Variants in CTNNA2 observed in about 807,000 individuals in gnomAD.
CTNNA2 encodes catenin alpha-2.
In CTNNA2, 42 loss-of-function variants were observed where a neutral mutation model predicts 101.0. That is an observed-to-expected ratio of 0.42 (90% CI 0.32 to 0.54). The LOEUF (loss-of-function observed/expected upper bound fraction) is 0.54, where lower values mean the gene tolerates loss of function less well. Ranked by LOEUF, CTNNA2 falls within the 20% of genes least tolerant of loss-of-function variation. CTNNA2 has a pLI of 0.14. For missense variants in CTNNA2, 871 were observed against 1,223.1 expected, an observed-to-expected ratio of 0.71 and a Z score of 4.29; for synonymous variants, 450 against 456.4, an observed-to-expected ratio of 0.99 and a Z score of 0.18.
At position 79,746,488 on chromosome 2, in the gene CTNNA2, C is replaced by T. The variant is rs527628782; in HGVS notation, c.298+1906C>T. On this transcript the variant is annotated intron_variant, in intron 3 of 18. Coordinates refer to ENST00000402739, the MANE Select transcript of CTNNA2 (RefSeq NM_001282597.3). ...ACACCTACTCCCAAGCTTGGTCTCT[C>T]TCCTGCATTTTCTGCCTTGAAGAAT... Among the ~76,000 whole-genome samples the T allele has an allele frequency of 3.3e-5, 5 of 152,304 alleles. 1 individual carries two copies. The highest frequency in any genetic ancestry group is 1.2e-4 in the African/African-American group (5 of 41,576).
At chr2:79,572,294 A>T (rs1675507887) in intron 1 of CTNNA2, among the ~76,000 whole-genome samples, 1 of 152,110 alleles carries the variant, frequency 6.6e-6, no homozygotes, top group African/African-American at 2.4e-5. Context: ...TTCGTTTTAT[A>T]CTGAACTTCT....
intron 17 of CTNNA2, 130 bp from the exon 18 acceptor site, chr2:80,618,955 C>CAT (rs1244667827): frequency 1.9e-6 from 1 of 516,242 alleles, no homozygotes; most frequent in Non-Finnish European, 3.3e-6. Flanking sequence ...GTAATTCCTT[C>CAT]ATATACCTCT....
At chr2:79,900,894 C>G (rs2104278314) in intron 6 of CTNNA2, among the ~76,000 whole-genome samples, 1 of 152,216 alleles carries the variant, frequency 6.6e-6, no homozygotes, top group East Asian at 1.9e-4. Context: ...GTATGCCTGT[C>G]TCAAAATATC....
At chr2:79,358,334 G>A (rs1376197162) in intron 3 of CTNNA2, among the ~76,000 whole-genome samples, 3 of 151,936 alleles carry the variant, frequency 2.0e-5, no homozygotes. Context: ...CAAGTAGCTG[G>A]GGTTATAGGC....
intron 9 of CTNNA2, among the ~76,000 whole-genome samples, chr2:80,492,191 G>C (rs143336505): frequency 1.3e-5 from 2 of 152,230 alleles, no homozygotes; most frequent in East Asian, 3.9e-4. Context: ...CACGAGATCT[G>C]GTTGTTTAAA....
chr2:79,538,265 A>G (rs903384390), intron 1 of CTNNA2, among the ~76,000 whole-genome samples: 7 of 151,948 alleles, frequency 4.6e-5, no homozygotes, highest in Non-Finnish European at 1.0e-4. Context: ...TTATCAGGGT[A>G]TACTTTTAAC....
At chr2:79,360,404 C>T (rs1363820669) in intron 3 of CTNNA2, among the ~76,000 whole-genome samples, 1 of 152,116 alleles carries the variant, frequency 6.6e-6, no homozygotes, top group African/African-American at 2.4e-5. Flanking sequence ...ATATTCTGGT[C>T]ACAGTCAGTC....
At position 80,516,554 on chromosome 2, in the gene CTNNA2, G is replaced by A. The variant is rs936864224; in HGVS notation, c.1291-28428G>A. Among the ~76,000 whole-genome samples, 10 of 152,142 alleles carry A rather than the reference G, an allele frequency of 6.6e-5. No homozygotes were observed. The South Asian group carries it at 8.3e-4, about 13-fold the overall frequency. On this transcript the variant is annotated intron_variant, in intron 9 of 18. Coordinates refer to ENST00000402739, the MANE Select transcript of CTNNA2 (RefSeq NM_001282597.3). ...GGGAGGAGGTCATTTTTCAAACATGGTTAAGCACGTGGCAGGGGCTGAGAA... is the reference window on the plus strand; with the variant it reads ...GGGAGGAGGTCATTTTTCAAACATGATTAAGCACGTGGCAGGGGCTGAGAA...
intron 1 of CTNNA2, among the ~76,000 whole-genome samples, chr2:79,559,503 A>G (rs1222558705): frequency 6.6e-6 from 1 of 152,010 alleles, no homozygotes. Flanking sequence ...GAAATATTGC[A>G]GAGACATAGT....
chr2:80,433,183 A>T (rs1489659282), intron 9 of CTNNA2, among the ~76,000 whole-genome samples: 1 of 152,138 alleles, frequency 6.6e-6, no homozygotes, highest in Non-Finnish European at 1.5e-5. Context: ...GCTTAAAAAA[A>T]CCTAATTTGC....
At chr2:80,252,065 C>T (rs1198794481) in intron 7 of CTNNA2, among the ~76,000 whole-genome samples, 2 of 152,140 alleles carry the variant, frequency 1.3e-5, no homozygotes, top group Non-Finnish European at 2.9e-5. Flanking sequence ...TTCCTCTGGG[C>T]AAGCTTCAGC....
At chr2:79,860,535 G>A (rs1195979296) in intron 4 of CTNNA2, among the ~76,000 whole-genome samples, 1 of 108,422 alleles carries the variant, frequency 9.2e-6, no homozygotes, top group African/African-American at 3.6e-5. Flanking sequence ...CCACACAGCC[G>A]AGTAAGGGAA....
chr2:79,812,379 G>T (rs1677113361), intron 3 of CTNNA2, among the ~76,000 whole-genome samples: 1 of 152,090 alleles, frequency 6.6e-6, no homozygotes, highest in Non-Finnish European at 1.5e-5. Context: ...TTTTAACTGA[G>T]ATTCCTTTAT....
At chr2:80,262,683 G>A (rs2149125637) in intron 7 of CTNNA2, among the ~76,000 whole-genome samples, 1 of 152,226 alleles carries the variant, frequency 6.6e-6, no homozygotes, top group Non-Finnish European at 1.5e-5. Flanking sequence ...TTGTTTGTGA[G>A]GGAGGCCTTT....
intron 2 of CTNNA2, among the ~76,000 whole-genome samples, chr2:79,657,986 A>C (rs189033925): frequency 3.1e-4 from 47 of 152,056 alleles, no homozygotes; most frequent in African/African-American, 1.1e-3. Flanking sequence ...CATTACAAGT[A>C]ATATGAAAAT....
intron 2 of CTNNA2, among the ~76,000 whole-genome samples, chr2:79,253,832 A>T (rs1674805139): frequency 6.6e-6 from 1 of 150,800 alleles, no homozygotes. Context: ...TGTCGGTGAT[A>T]GAGTTTATGA....
chr2:79,253,565 G>A (rs920939186), intron 2 of CTNNA2, among the ~76,000 whole-genome samples: 5 of 152,196 alleles, frequency 3.3e-5, no homozygotes, highest in Non-Finnish European at 7.3e-5. Context: ...CCCCAAATCG[G>A]TTCAGCAGTG....
At position 80,448,886 on chromosome 2, in the gene CTNNA2, T is replaced by G. The variant is rs539548546; in HGVS notation, c.1290+29285T>G. Among the ~76,000 whole-genome samples the G allele has an allele frequency of 6.6e-4, 101 of 152,230 alleles. 1 individual carries two copies. The highest frequency in any genetic ancestry group is 2.2e-3 in the African/African-American group (93 of 41,518). ...CCCAGCTCTCCTTCCTTTCCTCCTT[T>G]TTCTCTATCTTTTCCTCCATTAATT... On this transcript the variant is annotated intron_variant, in intron 9 of 18. Transcript: ENST00000402739.
At chr2:79,565,874 T>C (rs1279590303) in intron 1 of CTNNA2, among the ~76,000 whole-genome samples, 1 of 152,016 alleles carries the variant, frequency 6.6e-6, no homozygotes, top group Non-Finnish European at 1.5e-5. Flanking sequence ...TAAATGGTTA[T>C]TGAGACCATA....
Sources: gnomAD v4.1 joint callset for allele counts (sites outside exome capture counted in the v4.1 genomes callset) on GRCh38, gnomAD v4.1.1 for gene constraint, MANE v1.5 for transcripts, NCBI Gene and HGNC (gene_info 2026-07-23, HGNC 2026-07-21) for gene names.